Variants in RBFOX1 observed in about 807,000 individuals in gnomAD.
The protein encoded by RBFOX1 is RNA binding protein fox-1 homolog 1.
Under a neutral mutation model 57.7 loss-of-function variants are expected in RBFOX1, and 8 were observed. The observed-to-expected ratio is 0.14, with a 90% CI of 0.08 to 0.25. The LOEUF is 0.25. Ranked by LOEUF, RBFOX1 falls within the 10% of genes least tolerant of loss-of-function variation. The probability of loss-of-function intolerance (pLI) is 1.00; values close to 1 mark genes in which losing one functional copy is unlikely to be tolerated. For missense variants in RBFOX1, 611 were observed against 548.5 expected (o/e 1.11, Z -1.14); for synonymous variants, 326 against 222.4 (o/e 1.47, Z -4.15).
At chr16:5,384,554 T>G (rs1043641415) in intron 1 of RBFOX1, among the ~76,000 whole-genome samples, 3 of 152,096 alleles carry the variant, frequency 2.0e-5, no homozygotes, top group African/African-American at 7.2e-5. Flanking sequence ...GTAGAGCATA[T>G]TAAGAGCCTA....
At chr16:6,299,452 G>C (rs2078534797) in intron 1 of RBFOX1, among the ~76,000 whole-genome samples, 1 of 152,188 alleles carries the variant, frequency 6.6e-6, no homozygotes, top group African/African-American at 2.4e-5. Flanking sequence ...TTGAAGCTCA[G>C]AGAGGTCGAG....
At position 6,227,265 on chromosome 16, in the gene RBFOX1, C is replaced by T. The variant is rs186659649; in HGVS notation, c.-126-89730C>T. On this transcript the variant is annotated intron_variant, in intron 1 of 15. Coordinates refer to ENST00000550418, the MANE Select transcript of RBFOX1 (RefSeq NM_018723.4). ...GCCCTCTTAAAACGCACCCTCAGAGCGTTTGATTCAGTGATTCTAAAACGG... is the reference window on the plus strand; with the variant it reads ...GCCCTCTTAAAACGCACCCTCAGAGTGTTTGATTCAGTGATTCTAAAACGG... Among the ~76,000 whole-genome samples the T allele has an allele frequency of 1.4e-3, 217 of 152,216 alleles. 1 individual carries two copies. Among genetic ancestry groups the T allele is most frequent in the Middle Eastern group, 3.4e-3 (1 of 294 alleles).
At chr16:7,147,434 G>C (rs2075251849) in intron 4 of RBFOX1, among the ~76,000 whole-genome samples, 1 of 152,024 alleles carries the variant, frequency 6.6e-6, no homozygotes, top group Non-Finnish European at 1.5e-5. Flanking sequence ...GGTGGGCGTA[G>C]TACTTGGTAG....
At chr16:5,850,829 C>T (rs1222820531) in intron 3 of RBFOX1, among the ~76,000 whole-genome samples, 3 of 152,232 alleles carry the variant, frequency 2.0e-5, no homozygotes, top group Non-Finnish European at 4.4e-5. Flanking sequence ...GTGAGCAGTT[C>T]ACATTTGACC....
chr16:6,573,027 T>C (rs181712987), intron 2 of RBFOX1, among the ~76,000 whole-genome samples: 356 of 152,270 alleles, frequency 2.3e-3, no homozygotes, highest in African/African-American at 8.1e-3. Flanking sequence ...AGAGATCAAG[T>C]CAACACTCAA....
chr16:7,403,550 C>G (rs2098279607), intron 4 of RBFOX1, among the ~76,000 whole-genome samples: 1 of 142,238 alleles, frequency 7.0e-6, no homozygotes, highest in South Asian at 2.3e-4. Context: ...CATATTATTG[C>G]AAATGAGAGA....
At chr16:6,302,197 AC>A (rs2152744562) in intron 1 of RBFOX1, among the ~76,000 whole-genome samples, 1 of 152,134 alleles carries the variant, frequency 6.6e-6, no homozygotes, top group South Asian at 2.1e-4. Flanking sequence ...TAGATACATA[AC>A]TTTTGATGGT....
rs139204525 is a variant in RBFOX1, at chr16:6,049,913, T to A, written c.-127+29921T>A. Among the ~76,000 whole-genome samples the A allele has an allele frequency of 7.6e-3, 1,153 of 151,966 alleles. 15 individuals carry two copies. Among genetic ancestry groups the A allele is most frequent in the Non-Finnish European group, 0.011 (721 of 67,960 alleles). Reference sequence around the variant, plus strand: ...CAGTACACTGTGATTGATTGATATATCTTTAAAAGGCCATTTTACTCTGTT... The same window carrying A: ...CAGTACACTGTGATTGATTGATATAACTTTAAAAGGCCATTTTACTCTGTT... On this transcript the variant is annotated intron_variant, in intron 1 of 15. Coordinates refer to ENST00000550418, the MANE Select transcript of RBFOX1 (RefSeq NM_018723.4).
At chr16:6,630,571 C>T (rs765513557) in intron 2 of RBFOX1, among the ~76,000 whole-genome samples, 14 of 152,112 alleles carry the variant, frequency 9.2e-5, no homozygotes, top group Non-Finnish European at 2.1e-4. Context: ...GTTAAGAAAG[C>T]TAAGATCTAG....
rs114870083 is a variant in RBFOX1, at chr16:7,652,758, T to C, written c.758-1057T>C. ...TCCCAGACTTATCGCGTATTTGTAA[T>C]CATGCTGGTTGCCTTTGCCTTTAAA... On this transcript the variant is annotated intron_variant, in intron 11 of 15. Transcript: ENST00000550418. 4.5e-3 allele frequency among the ~76,000 whole-genome samples: 692 copies of C among 152,330 alleles called. 5 individuals carry two copies. Among genetic ancestry groups the C allele is most frequent in the African/African-American group, 0.016 (672 of 41,582 alleles).
At chr16:5,278,829 C>A (rs1168523843) in intron 1 of RBFOX1, among the ~76,000 whole-genome samples, 2 of 152,152 alleles carry the variant, frequency 1.3e-5, no homozygotes, top group East Asian at 3.9e-4. Context: ...TTCCTGGCAC[C>A]ATTTAATGAA....
chr16:6,669,469 A>G (rs534090689), intron 3 of RBFOX1, among the ~76,000 whole-genome samples: 2 of 152,030 alleles, frequency 1.3e-5, no homozygotes, highest in African/African-American at 4.8e-5. Context: ...GGTTTTTCAT[A>G]TTTTCTTTGT....
intron 2 of RBFOX1, among the ~76,000 whole-genome samples, chr16:5,566,622 A>ATGTATATATGTGTATATGTG (rs2046080228): frequency 1.3e-5 from 2 of 150,202 alleles, no homozygotes; most frequent in African/African-American, 2.5e-5. Context: ...ATGTATATGT[A>ATGTATATATGTGTATATGTG]TGTATATATG....
rs563609344 is a variant in RBFOX1 at position 6,546,730 on chromosome 16, G to C, written c.-63-107873G>C. On this transcript the variant is annotated intron_variant, in intron 2 of 15. Transcript: ENST00000550418. ...CATTACCAGGTACCTGAGGTTAAGG[G>C]TTTATCTGTCTTTTTGAGGGGACAT... Among the ~76,000 whole-genome samples, 4 of 152,250 alleles carry C rather than the reference G, an allele frequency of 2.6e-5. No individual in the cohort carries two copies. In the South Asian group the frequency reaches 8.3e-4, roughly 32 times the overall value.
chr16:7,625,676 C>T (rs569380538), intron 10 of RBFOX1, among the ~76,000 whole-genome samples: 9 of 152,178 alleles, frequency 5.9e-5, no homozygotes, highest in African/African-American at 2.2e-4. Context: ...TGTTTAAATT[C>T]AGAAATTATG....
At chr16:5,322,134 T>A (rs1283098974) in intron 1 of RBFOX1, among the ~76,000 whole-genome samples, 1 of 152,078 alleles carries the variant, frequency 6.6e-6, no homozygotes, top group Non-Finnish European at 1.5e-5. Flanking sequence ...AAGCTCTGAG[T>A]CATATTTTCC....
At chr16:5,480,831 G>A (rs1040059254) in intron 2 of RBFOX1, among the ~76,000 whole-genome samples, 1 of 152,182 alleles carries the variant, frequency 6.6e-6, no homozygotes, top group African/African-American at 2.4e-5. Flanking sequence ...ACCATGACTT[G>A]TTTGATTTTG....
intron 3 of RBFOX1, among the ~76,000 whole-genome samples, chr16:5,656,625 T>C (rs1351706040): frequency 6.6e-6 from 1 of 152,238 alleles, no homozygotes; most frequent in Non-Finnish European, 1.5e-5. Flanking sequence ...TAGTTTCATG[T>C]AAATTAAGAA....
At chr16:6,711,065 C>G (rs2063626835) in intron 3 of RBFOX1, among the ~76,000 whole-genome samples, 1 of 152,124 alleles carries the variant, frequency 6.6e-6, no homozygotes, top group African/African-American at 2.4e-5. Context: ...TTGCTTAGGC[C>G]AAAACTCTGG....
Sources: gnomAD v4.1 joint callset for allele counts (sites outside exome capture counted in the v4.1 genomes callset) on GRCh38, gnomAD v4.1.1 for gene constraint, MANE v1.5 for transcripts, NCBI Gene and HGNC (gene_info 2026-07-23, HGNC 2026-07-21) for gene names.